PDE2A: variants seen among roughly 807,000 people sequenced by gnomAD.
PDE2A encodes phosphodiesterase 2A.
Under a neutral mutation model 133.6 loss-of-function variants are expected in PDE2A, and 53 were observed. That is an observed-to-expected ratio of 0.40 (90% CI 0.32 to 0.50). The LOEUF (loss-of-function observed/expected upper bound fraction) is 0.50. Ranked by LOEUF, PDE2A falls within the 20% of genes least tolerant of loss-of-function variation. PDE2A has a pLI of 0.73. For synonymous variants in PDE2A, 491 were observed against 490.2 expected (o/e 1.00, Z -0.02); for missense variants, 796 against 1,232.4 (o/e 0.65, Z 5.30).
chr11:72,667,506 G>T (rs945593590), intron 1 of PDE2A, among the ~76,000 whole-genome samples: 6 of 152,138 alleles, frequency 3.9e-5, no homozygotes, highest in Non-Finnish European at 8.8e-5. Flanking sequence ...GGGCTCAATG[G>T]AGGTGGAGAA....
rs774561700 is a variant in PDE2A, at chr11:72,578,385, G to C, written c.2509-46C>G. Reference sequence around the variant, plus strand: ...GGCCTGTCCCTCTCATTCCTCCATCGGGTACCAGGGTCAGGCTAGTTCAAG... The same window carrying C: ...GGCCTGTCCCTCTCATTCCTCCATCCGGTACCAGGGTCAGGCTAGTTCAAG... On this transcript the variant is annotated intron_variant, in intron 29 of 30. Coordinates refer to ENST00000334456, the MANE Select transcript of PDE2A (RefSeq NM_002599.5). This position sits in a 1 kb window ranked among gnomAD's most constrained non-coding sequence, Gnocchi z 4.2. 4.4e-6 allele frequency: 7 copies of C among 1,575,248 alleles called. No individual in the cohort carries two copies. The highest frequency in any genetic ancestry group is 1.7e-4 in the Middle Eastern group (1 of 5,994).
chr11:72,638,276 G>C (rs1858793478), intron 2 of PDE2A, among the ~76,000 whole-genome samples: 2 of 152,210 alleles, frequency 1.3e-5, no homozygotes, highest in Admixed American at 6.5e-5. Context: ...GATGAGATGA[G>C]AGTCCCCTCA....
intron 4 of PDE2A, chr11:72,598,822 G>A (rs1856602701): frequency 9.1e-6 from 9 of 985,318 alleles, no homozygotes; most frequent in Non-Finnish European, 1.1e-5. Context: ...GCCACTTTAA[G>A]TAATCCAGGA....
intron 2 of PDE2A, among the ~76,000 whole-genome samples, chr11:72,613,162 C>T (rs1857294802): frequency 6.6e-6 from 1 of 152,152 alleles, no homozygotes; most frequent in Admixed American, 6.5e-5. Flanking sequence ...ACAGGTCCTC[C>T]TATGGCTCAC....
chr11:72,627,085 C>G (rs1025085390), intron 2 of PDE2A, among the ~76,000 whole-genome samples: 8 of 152,214 alleles, frequency 5.3e-5, no homozygotes, highest in African/African-American at 1.4e-4. Context: ...CTCCAAGTCT[C>G]CAAGACCGCC....
At chr11:72,599,482 C>T (rs1026834600) in intron 4 of PDE2A, among the ~76,000 whole-genome samples, 3 of 152,158 alleles carry the variant, frequency 2.0e-5, no homozygotes, top group Non-Finnish European at 4.4e-5. Flanking sequence ...CAAAAACCTG[C>T]CTTCTTTCCT....
intron 19 of PDE2A, 126 bp downstream of exon 19, chr11:72,584,075 C>G (rs913274400): frequency 4.8e-6 from 3 of 627,564 alleles, no homozygotes; most frequent in Admixed American, 5.2e-5. Context: ...ACCCCAGCGG[C>G]GGGACTCTGA....
At chr11:72,617,496 C>T (rs534828776) in intron 2 of PDE2A, among the ~76,000 whole-genome samples, 1 of 152,230 alleles carries the variant, frequency 6.6e-6, no homozygotes, top group Non-Finnish European at 1.5e-5. Context: ...CCACCTCTCT[C>T]TGTCTGTGCT....
intron 1 of PDE2A, among the ~76,000 whole-genome samples, chr11:72,663,345 G>T (rs1272788262): frequency 6.6e-6 from 1 of 152,218 alleles, no homozygotes; most frequent in Admixed American, 6.5e-5. Flanking sequence ...CAGATACAGA[G>T]CGCGGTGATC....
rs746253555 is a variant in PDE2A, at chr11:72,588,842, G to A, written c.1012C>T (p.Arg338Trp). 4.4e-5 allele frequency: 71 copies of A among 1,611,476 alleles called. 1 individual carries two copies. Among genetic ancestry groups the A allele is most frequent in the Admixed American group, 1.7e-4 (10 of 59,944 alleles). ...QAMLCVPVIS[R>W]ATDQVVALAC... ...AAGGCCACCACCTGGTCAGTGGCCC[G>A]GCTGATGACAGGGACACAGAGCATG... is the stretch of plus-strand genomic sequence containing the variant. Residue 338 changes from arginine (R) to tryptophan (W), a missense_variant, in exon 13 of 31, where the codon CGG (arginine) becomes TGG (tryptophan). By Grantham distance (101) the Arg-to-Trp change is moderately radical (BLOSUM62 -3). This residue lies in a region of PDE2A where 417 missense variants were observed against 475.3 expected (regional missense o/e 0.88). Transcript: ENST00000334456.
intron 2 of PDE2A, among the ~76,000 whole-genome samples, chr11:72,624,618 C>T (rs1235250645): frequency 1.3e-5 from 2 of 152,202 alleles, no homozygotes; most frequent in Admixed American, 6.5e-5. Flanking sequence ...CATTTGCTCA[C>T]GTTTCTGTAT....
chr11:72,590,677 T>A lies in PDE2A; in HGVS notation c.550-97A>T. ...CTTTGCTCCCGCCGTTCCCTCTGCC[T>A]GCCGGGCCCAGGGACCCCGCCGCCG... On this transcript the variant is annotated intron_variant, in intron 7 of 30. Transcript: ENST00000334456. The surrounding 1 kb of genome is among the most constrained non-coding windows in gnomAD (Gnocchi z 4.8). 8.5e-7 allele frequency: 1 copy of A among 1,175,144 alleles called. No individual in the cohort carries two copies. The highest frequency in any genetic ancestry group is 1.1e-6 in the Non-Finnish European group (1 of 902,828). 72.8% of individuals were successfully genotyped at this position (1,175,144 alleles called of 1,614,324 possible). A position where few individuals can be genotyped will look rare whatever the true frequency, so the allele number is the denominator to read the frequency against.
chr11:72,595,525 C>T lies in PDE2A; in HGVS notation c.489+1068G>A, dbSNP rs181351500. 2.4e-3 allele frequency among the ~76,000 whole-genome samples: 364 copies of T among 152,162 alleles called. 4 individuals carry two copies. Among genetic ancestry groups the T allele is most frequent in the Admixed American group, 0.014 (208 of 15,290 alleles). ...GCCAAGTACCCCTCCTCCCCTCCCC[C>T]CTCTCCTCCCCTCTCAGCCATCCCT... is the stretch of plus-strand genomic sequence containing the variant. On this transcript the variant is annotated intron_variant, in intron 6 of 30. Transcript: ENST00000334456.
chr11:72,603,771 G>C (rs1266002375), intron 4 of PDE2A, among the ~76,000 whole-genome samples: 1 of 152,200 alleles, frequency 6.6e-6, no homozygotes, highest in African/African-American at 2.4e-5. Flanking sequence ...CATGCTCCTT[G>C]ACGGAGAAGT....
chr11:72,637,479 G>A (rs912167879), intron 2 of PDE2A, among the ~76,000 whole-genome samples: 4 of 152,258 alleles, frequency 2.6e-5, no homozygotes, highest in African/African-American at 9.6e-5. Context: ...ACACATGTGT[G>A]ACTCAGACAG....
intron 1 of PDE2A, among the ~76,000 whole-genome samples, chr11:72,655,347 A>AGACATCCTGGGGACAATGAGCTTGG (rs57956369): frequency 7.9e-5 from 12 of 151,884 alleles, no homozygotes; most frequent in African/African-American, 2.9e-4. Context: ...AGCCAGGGTG[A>AGACATCCTGGGGACAATGAGCTTGG]GGCAGCCTGG....
chr11:72,605,071 A>C, intron 4 of PDE2A, 67 bp downstream of exon 4: 2 of 1,006,328 alleles, frequency 2.0e-6, no homozygotes, highest in Non-Finnish European at 3.1e-6. Flanking sequence ...ATGACCTTGG[A>C]TGGTGCCTCA....
intron 13 of PDE2A, among the ~76,000 whole-genome samples, chr11:72,586,549 T>C (rs1281569096): frequency 3.9e-5 from 6 of 152,218 alleles, no homozygotes. Flanking sequence ...CTGCCCTATC[T>C]TGTGCAGCTC....
At chr11:72,630,207 G>T (rs939902876) in intron 2 of PDE2A, among the ~76,000 whole-genome samples, 16 of 152,290 alleles carry the variant, frequency 1.1e-4, no homozygotes, top group African/African-American at 3.9e-4. Context: ...TCCAAGGGTG[G>T]TAGAAGGTTC....
Sources: allele counts gnomAD v4.1 joint callset (sites outside exome capture counted in the v4.1 genomes callset), GRCh38; gene constraint gnomAD v4.1.1; regional missense constraint gnomAD v4.1.1; non-coding constraint Gnocchi (gnomAD v3.1); transcripts MANE v1.5; gene names NCBI Gene and HGNC (gene_info 2026-07-23, HGNC 2026-07-21).